The following UBTF variants were observed in gnomAD, a reference collection of about 807,000 sequenced individuals.
UBTF encodes the protein nucleolar transcription factor 1.
In UBTF, 8 loss-of-function variants were observed where a neutral mutation model predicts 112.3. The observed-to-expected ratio is 0.07, with a 90% CI of 0.04 to 0.13. The LOEUF is 0.13. Ranked by LOEUF, UBTF falls within the 10% of genes least tolerant of loss-of-function variation. The pLI, the probability that UBTF is intolerant of heterozygous loss-of-function variation, is 1.00. For missense variants in UBTF, 457 were observed against 982.1 expected (o/e 0.47, Z 7.15); for synonymous variants, 417 against 373.1 (o/e 1.12, Z -1.36).
In UBTF at chr17:44,207,197, G is replaced by A; in HGVS notation, c.*45C>T. 6 of 1,610,100 alleles carry A rather than the reference G, an allele frequency of 3.7e-6. No homozygotes were observed. Among genetic ancestry groups the A allele is most frequent in the Non-Finnish European group, 5.1e-6 (6 of 1,177,996 alleles). ...AAACAAAGGTGGTCAGTTGGGGAGGGGAGCTCCTGGGCTCTCCCTGGCTGC... is the reference window on the plus strand; with the variant it reads ...AAACAAAGGTGGTCAGTTGGGGAGGAGAGCTCCTGGGCTCTCCCTGGCTGC... On this transcript the variant is annotated 3_prime_UTR_variant, in exon 21 of 21. Coordinates refer to ENST00000436088, the MANE Select transcript of UBTF (RefSeq NM_014233.4).
rs1294987686 is a variant in UBTF at position 44,209,669 on chromosome 17, T to C, written c.1691A>G (p.Gln564Arg). 6.2e-7 allele frequency: 1 copy of C among 1,614,052 alleles called. No individual in the cohort carries two copies. Among genetic ancestry groups the C allele is most frequent in the East Asian group, 2.2e-5 (1 of 44,894 alleles). ...CATGGGAGGCTTCTTGGGTTCTCCC[T>C]GGAATTTCATCTTCTTGGAAGAATT... ...ATNSSKKMKF[Q>R]GEPKKPPMNG... Residue 564 changes from glutamine to arginine, a missense_variant, in exon 16 of 21, where the codon CAG (glutamine) becomes CGG (arginine). This residue lies in a region of UBTF where 77 missense variants were observed against 211.9 expected (regional missense o/e 0.36). Transcript: ENST00000436088.
chr17:44,210,405 C>T lies in UBTF; in HGVS notation c.1428G>A (p.Glu476=), dbSNP rs1294991609. The change falls in exon 14 of 21, where the codon GAG becomes GAA. Residue 476 remains glutamate (E), a synonymous_variant. Transcript: ENST00000436088. ...GGGACTCGGGCAGCTTGCCCCGTTC[C>T]TCGCGCTCCCCGCCGGGCTTCCTCT... ...QSERKPGGER[E]ERGKLPESPK... is the part of the protein sequence containing the mutation. 2.5e-6 allele frequency: 4 copies of T among 1,614,172 alleles called. No homozygotes were observed. The South Asian group carries it at 3.3e-5, about 13-fold the overall frequency.
At chr17:44,213,452 C>T (rs2046680192) in intron 5 of UBTF, 170 bp from the exon 6 acceptor site, 1 of 631,706 alleles carries the variant, frequency 1.6e-6, no homozygotes, top group Non-Finnish European at 2.7e-6. Context: ...CAGAGCAGAC[C>T]TGCTGGCTTC....
At position 44,207,562 on chromosome 17, in the gene UBTF, GTCATCC is replaced by G. The variant is rs755994823; in HGVS notation, c.2055_2060del (p.Glu685_Asp686del). On this transcript the variant is annotated inframe_deletion, in exon 20 of 21. Coordinates refer to ENST00000436088, the MANE Select transcript of UBTF (RefSeq NM_014233.4). ...CTTCCTCTTCTTCATCCTCGTCCTC[GTCATCC>G]TCATCCTCTTCATCATCCTCCTCGG... 2 of 1,614,046 alleles carry G rather than the reference GTCATCC, an allele frequency of 1.2e-6. No individual in the cohort carries two copies. The highest frequency in any genetic ancestry group is 1.1e-5 in the South Asian group (1 of 91,068).
chr17:44,220,039 TGGCGGC>T (rs1161361017), upstream of UBTF, among the ~76,000 whole-genome samples: 2 of 109,300 alleles, frequency 1.8e-5, no homozygotes, highest in African/African-American at 3.4e-5. Flanking sequence ...GTGGTGGTGC[TGGCGGC>T]GGCGGCGGCT....
intron 17 of UBTF, 139 bp downstream of exon 17, chr17:44,209,213 A>G (rs930412867): frequency 2.3e-6 from 2 of 853,736 alleles, no homozygotes; most frequent in Non-Finnish European, 1.7e-6. Context: ...AGTGACCGTT[A>G]TCCTGAAGGA....
Position 44,213,284 on chromosome 17 carries a change from TG to T in UBTF, c.475-3del. ...CTGGAAGTCCTGAATATATTTCATC[TG>T]GGGGGAGGAGGGGATGGGGTCACTC... On this transcript the variant is annotated splice_polypyrimidine_tract_variant and splice_region_variant and intron_variant, in intron 5 of 20. Transcript: ENST00000436088. 2 of 1,613,166 alleles carry T rather than the reference TG, an allele frequency of 1.2e-6. No individual in the cohort carries two copies. The highest frequency in any genetic ancestry group is 1.7e-6 in the Non-Finnish European group (2 of 1,179,532).
intron 2 of UBTF, 116 bp from the exon 3 acceptor site, chr17:44,216,820 C>T: frequency 3.9e-6 from 4 of 1,038,958 alleles, no homozygotes; most frequent in Non-Finnish European, 4.4e-6. Context: ...CTGGTTGCTT[C>T]CCATCTGAAG....
chr17:44,209,318 C>G lies in UBTF; in HGVS notation c.1905+34G>C, dbSNP rs199609588. On this transcript the variant is annotated intron_variant, in intron 17 of 20. Transcript: ENST00000436088. ...ATGGTGCTGGCTTAGTCTGATGCCT[C>G]TCTGTTCCTTCCAAGGGTCCCTTGC... is the stretch of plus-strand genomic sequence containing the variant. 23 of 1,560,556 alleles carry G rather than the reference C, an allele frequency of 1.5e-5. No homozygotes were observed. The East Asian group carries it at 5.2e-4, about 35-fold the overall frequency.
chr17:44,205,650 C>T lies in UBTF; in HGVS notation c.*1592G>A, dbSNP rs560575146. The stretch of plus-strand genomic sequence containing the variant: ...CCTCTCTGGGACCAGGGCCCTTCAC[C>T]GTTCTTGCTCCACCTCCGCGGCAGA... On this transcript the variant is annotated 3_prime_UTR_variant, in exon 21 of 21. Coordinates refer to ENST00000436088, the MANE Select transcript of UBTF (RefSeq NM_014233.4). 3.3e-5 allele frequency: 5 copies of T among 152,260 alleles called. No individual in the cohort carries two copies. Among genetic ancestry groups the T allele is most frequent in the African/African-American group, 1.2e-4 (5 of 41,528 alleles). The allele number at this position is 152,260 out of a possible 1,614,324, so 9.4% of individuals were successfully genotyped here.
In UBTF at chr17:44,216,641, T is replaced by C; in HGVS notation, c.122A>G (p.Asn41Ser). The change falls in exon 3 of 21, where the codon AAT becomes AGT. Residue 41 changes from asparagine (N) to serine (S), a missense_variant. Physicochemically the swap from Asn to Ser is conservative, Grantham distance 46. This residue lies in a region of UBTF where 26 missense variants were observed against 132.9 expected (regional missense o/e 0.20). Transcript: ENST00000436088. The stretch of plus-strand genomic sequence containing the variant: ...GGTGGTTTTGAACTTGGAGCTGTCA[T>C]TGGATGGAAGGTTGTTCTTCATGCA... ...LECMKNNLPS[N>S]DSSKFKTTES... 2 of 1,614,152 alleles carry C rather than the reference T, an allele frequency of 1.2e-6. No individual in the cohort carries two copies. The highest frequency in any genetic ancestry group is 1.7e-6 in the Non-Finnish European group (2 of 1,180,022).
At chr17:44,212,492 AGGGGCAG>A in intron 7 of UBTF, 38 bp from the exon 8 acceptor site, 3 of 207,422 alleles carry the variant, frequency 1.4e-5, no homozygotes, top group Non-Finnish European at 2.7e-5. Context: ...ACAGGCAGCC[AGGGGCAG>A]GGGGAGGGGG....
chr17:44,215,587 C>T lies in UBTF; in HGVS notation c.474+67G>A, dbSNP rs1465594835. ...AGGTTTCTCCAAGGCCTACCTCCAA[C>T]TGACCCACACCACACCAGCTGCTCC... On this transcript the variant is annotated intron_variant, in intron 5 of 20. Coordinates refer to ENST00000436088, the MANE Select transcript of UBTF (RefSeq NM_014233.4). 3 of 1,590,756 alleles carry T rather than the reference C, an allele frequency of 1.9e-6. No individual in the cohort carries two copies. In the East Asian group the frequency reaches 6.7e-5, roughly 36 times the overall value.
chr17:44,216,449 C>T (rs1159096293), intron 3 of UBTF, 80 bp downstream of exon 3: 2 of 1,530,926 alleles, frequency 1.3e-6, no homozygotes, highest in East Asian at 2.3e-5. Context: ...CTCTTTCCTT[C>T]CTGTTTACAG....
In UBTF at chr17:44,210,921, G is replaced by A. The variant is rs758684427; in HGVS notation, c.1230C>T (p.Pro410=). The change falls in exon 13 of 21, where the codon CCC becomes CCT. Residue 410 remains proline, a synonymous_variant. Coordinates refer to ENST00000436088, the MANE Select transcript of UBTF (RefSeq NM_014233.4). ...CCGAGAAGATGAACATGGCCGACAC[G>A]GGCCGCTTGGGCTTCTCGGAGCCGC... ...GKGGSEKPKR[P]VSAMFIFSEE... is the part of the protein sequence containing the mutation. 7 of 1,607,580 alleles carry A rather than the reference G, an allele frequency of 4.4e-6. No individual in the cohort carries two copies. Among genetic ancestry groups the A allele is most frequent in the Admixed American group, 1.7e-5 (1 of 59,638 alleles).
chr17:44,213,977 T>C (rs1330566740), intron 5 of UBTF, among the ~76,000 whole-genome samples: 2 of 151,716 alleles, frequency 1.3e-5, no homozygotes, highest in Non-Finnish European at 2.9e-5. Flanking sequence ...CATCACCCCC[T>C]TTTTAGCCTC....
rs866779500 is a variant in UBTF at position 44,215,103 on chromosome 17, G to C, written c.474+551C>G. Among the ~76,000 whole-genome samples the C allele has an allele frequency of 6.1e-5, 7 of 115,120 alleles. No homozygotes were observed. In the South Asian group the frequency reaches 9.3e-4, roughly 15 times the overall value. 75.5% of individuals were successfully genotyped at this position (115,120 alleles called of 152,430 possible). On this transcript the variant is annotated intron_variant, in intron 5 of 20. Transcript: ENST00000436088. ...TGTGTGTCCTTGAGTGAACACGTGT[G>C]CGTGGAGAAGTGCACTTCACAGGTG...
chr17:44,206,996 C>T lies in UBTF; in HGVS notation c.*246G>A, dbSNP rs2056281544. 1.7e-6 allele frequency: 1 copy of T among 575,046 alleles called. No individual in the cohort carries two copies. Among genetic ancestry groups the T allele is most frequent in the Non-Finnish European group, 3.1e-6 (1 of 327,630 alleles). 35.6% of individuals were successfully genotyped at this position (575,046 alleles called of 1,614,324 possible). A position where few individuals can be genotyped will look rare whatever the true frequency, so the allele number is the denominator to read the frequency against. ...GTGGGCCAGGCTGGTCCGGTGCTGG[C>T]TTAGTCTGATAGTTGCTGTCCCTGG... On this transcript the variant is annotated 3_prime_UTR_variant, in exon 21 of 21. Transcript: ENST00000436088.
In UBTF at chr17:44,211,167, G is replaced by A. The variant is rs1428739995; in HGVS notation, c.1090-15C>T. On this transcript the variant is annotated splice_polypyrimidine_tract_variant and intron_variant, in intron 11 of 20. Transcript: ENST00000436088. This position sits in a 1 kb window ranked among gnomAD's most constrained non-coding sequence, Gnocchi z 4.9. ...TCAGGCAGGCTCTGGACAGGAAAGA[G>A]GAGCACGGGGCTGCATGCCTGGCAC... 6.2e-7 allele frequency: 1 copy of A among 1,612,988 alleles called. No individual in the cohort carries two copies. The highest frequency in any genetic ancestry group is 8.5e-7 in the Non-Finnish European group (1 of 1,179,840).
Sources: allele counts gnomAD v4.1 joint callset (sites outside exome capture counted in the v4.1 genomes callset), GRCh38; gene constraint gnomAD v4.1.1; regional missense constraint gnomAD v4.1.1; non-coding constraint Gnocchi (gnomAD v3.1); transcripts MANE v1.5; gene names NCBI Gene and HGNC (gene_info 2026-07-23, HGNC 2026-07-21).